The following LCLAT1 variants were observed in gnomAD, a reference collection of about 807,000 sequenced individuals.
The protein encoded by LCLAT1 is lysocardiolipin acyltransferase 1.
LCLAT1 carries 11 observed loss-of-function variants against 30.7 expected under a neutral mutation model. That is an observed-to-expected ratio of 0.36 (90% CI 0.23 to 0.59). The LOEUF (loss-of-function observed/expected upper bound fraction) is 0.59. Ranked by LOEUF, LCLAT1 falls within the 20% of genes least tolerant of loss-of-function variation. LCLAT1 has a pLI of 0.77. For missense variants in LCLAT1, 402 were observed against 458.6 expected (o/e 0.88, Z 1.13); for synonymous variants, 155 against 151.3 (o/e 1.02, Z -0.18).
At chr2:30,505,295 C>T (rs1191551525) in intron 1 of LCLAT1, among the ~76,000 whole-genome samples, 1 of 151,000 alleles carries the variant, frequency 6.6e-6, no homozygotes, top group African/African-American at 2.4e-5. Flanking sequence ...GGCAAGGACA[C>T]CAACAATGAT....
chr2:30,509,343 A>C (rs1199523343), intron 1 of LCLAT1, among the ~76,000 whole-genome samples: 1 of 152,156 alleles, frequency 6.6e-6, no homozygotes, highest in Non-Finnish European at 1.5e-5. Context: ...GTTTTGTGCC[A>C]GTTATCAAGG....
intron 5 of LCLAT1, among the ~76,000 whole-genome samples, chr2:30,603,063 A>C (rs1036558608): frequency 1.3e-5 from 2 of 152,172 alleles, no homozygotes; most frequent in African/African-American, 4.8e-5. Context: ...ATAAAGCTTT[A>C]CCTAACATTC....
At chr2:30,584,378 C>G (rs527265634) in intron 5 of LCLAT1, among the ~76,000 whole-genome samples, 1 of 152,278 alleles carries the variant, frequency 6.6e-6, no homozygotes, top group East Asian at 1.9e-4. Context: ...CTTAACTGTT[C>G]TGGCTGGCTG....
intron 1 of LCLAT1, among the ~76,000 whole-genome samples, chr2:30,521,794 C>T (rs546408487): frequency 1.2e-4 from 18 of 151,818 alleles, no homozygotes; most frequent in South Asian, 2.1e-4. Flanking sequence ...CATGAGCCAC[C>T]GCTGGACCAA....
intron 3 of LCLAT1, among the ~76,000 whole-genome samples, chr2:30,557,224 C>T (rs1239057985): frequency 6.6e-6 from 1 of 151,330 alleles, no homozygotes; most frequent in Non-Finnish European, 1.5e-5. Flanking sequence ...AAGTAATTCC[C>T]TATGTATAGA....
rs115520630 is a variant in LCLAT1, at chr2:30,456,803, C to T, written c.-5+9420C>T. Among the ~76,000 whole-genome samples the T allele has an allele frequency of 6.9e-3, 1,057 of 152,196 alleles. 11 individuals carry two copies. The highest frequency in any genetic ancestry group is 0.024 in the African/African-American group (1,001 of 41,498). ...TGTATCTTCAGAGTCCAGAGTCTTC[C>T]CATATTTGTTTACCTATAATGGCCA... On this transcript the variant is annotated intron_variant, in intron 1 of 5. Transcript: ENST00000379509.
At chr2:30,606,095 C>T (rs559228224) in intron 5 of LCLAT1, 10 of 1,156,822 alleles carry the variant, frequency 8.6e-6, no homozygotes, top group African/African-American at 6.5e-5. Context: ...AGAGAGGACA[C>T]AAACAAATGG....
At chr2:30,521,093 A>G (rs1264004275) in intron 1 of LCLAT1, among the ~76,000 whole-genome samples, 3 of 152,212 alleles carry the variant, frequency 2.0e-5, no homozygotes, top group Admixed American at 6.5e-5. Flanking sequence ...ACCAAAACCA[A>G]GATGGCGACA....
At position 30,455,838 on chromosome 2, in the gene LCLAT1, A is replaced by G. The variant is rs141884405; in HGVS notation, c.-5+8455A>G. Among the ~76,000 whole-genome samples the G allele has an allele frequency of 6.7e-3, 883 of 131,066 alleles. 10 individuals are homozygous for G. The highest frequency in any genetic ancestry group is 0.024 in the African/African-American group (840 of 34,950). 86.0% of individuals were successfully genotyped at this position (131,066 alleles called of 152,430 possible). ...GGCAGGAGGATCACTTGAGCCTGGGAGGTTGAGGCTGCAGTGAGCTGTGAT... is the reference window on the plus strand; with the variant it reads ...GGCAGGAGGATCACTTGAGCCTGGGGGGTTGAGGCTGCAGTGAGCTGTGAT... On this transcript the variant is annotated intron_variant, in intron 1 of 5. Coordinates refer to ENST00000379509, the MANE Select transcript of LCLAT1 (RefSeq NM_001002257.3).
At chr2:30,522,657 TCAA>T (rs1685533088) in intron 1 of LCLAT1, among the ~76,000 whole-genome samples, 1 of 152,112 alleles carries the variant, frequency 6.6e-6, no homozygotes, top group African/African-American at 2.4e-5. Context: ...TCATTGAAAA[TCAA>T]CAAATGATTG....
At position 30,468,522 on chromosome 2, in the gene LCLAT1, GTT is replaced by G. The variant is rs34503678; in HGVS notation, c.-5+21148_-5+21149del. ...AAAAATAGCCATTTGATATATATCT[GTT>G]TTTTTTTTAATTGAGGTGAAATTTA... is the stretch of plus-strand genomic sequence containing the variant. On this transcript the variant is annotated intron_variant, in intron 1 of 5. Coordinates refer to ENST00000379509, the MANE Select transcript of LCLAT1 (RefSeq NM_001002257.3). 4.0e-5 allele frequency among the ~76,000 whole-genome samples: 6 copies of G among 150,464 alleles called. No individual in the cohort carries two copies. The South Asian group carries it at 8.4e-4, about 21-fold the overall frequency.
At chr2:30,542,054 T>C (rs1664168032) in intron 3 of LCLAT1, among the ~76,000 whole-genome samples, 1 of 152,186 alleles carries the variant, frequency 6.6e-6, no homozygotes, top group African/African-American at 2.4e-5. Flanking sequence ...TTTTCTCCTT[T>C]ATTTATGGGT....
chr2:30,507,827 G>C (rs1286498068), intron 1 of LCLAT1, among the ~76,000 whole-genome samples: 1 of 152,054 alleles, frequency 6.6e-6, no homozygotes, highest in Admixed American at 6.6e-5. Flanking sequence ...TATATATCCA[G>C]TAAGGGGTCT....
At chr2:30,620,208 C>G (rs1384615062) in intron 5 of LCLAT1, among the ~76,000 whole-genome samples, 2 of 152,228 alleles carry the variant, frequency 1.3e-5, no homozygotes, top group African/African-American at 4.8e-5. Context: ...TAGAACTATC[C>G]CCATAACCCA....
At chr2:30,471,483 C>T (rs887123705) in intron 1 of LCLAT1, among the ~76,000 whole-genome samples, 18 of 152,102 alleles carry the variant, frequency 1.2e-4, no homozygotes, top group African/African-American at 3.4e-4. Context: ...GTGCTGGGAT[C>T]ACAGGCGTGA....
intron 5 of LCLAT1, among the ~76,000 whole-genome samples, chr2:30,633,598 T>C (rs1668871370): frequency 6.6e-6 from 1 of 152,138 alleles, no homozygotes; most frequent in Non-Finnish European, 1.5e-5. Flanking sequence ...GGCAGGAGAA[T>C]TGCTTGAACC....
rs567444919 is a variant in LCLAT1 at position 30,536,733 on chromosome 2, C to G, written c.364+3419C>G. Among the ~76,000 whole-genome samples the G allele has an allele frequency of 1.2e-4, 19 of 152,178 alleles. No homozygotes were observed. The East Asian group carries it at 2.5e-3, about 20-fold the overall frequency. On this transcript the variant is annotated intron_variant, in intron 3 of 5. Coordinates refer to ENST00000379509, the MANE Select transcript of LCLAT1 (RefSeq NM_001002257.3). ...ATATATAGATGAAAAAGAGAAGGGA[C>G]TCAAACGTTAACACTACAGAAAAGT...
At chr2:30,456,848 G>A (rs1038767494) in intron 1 of LCLAT1, among the ~76,000 whole-genome samples, 3 of 152,114 alleles carry the variant, frequency 2.0e-5, no homozygotes, top group East Asian at 1.9e-4. Context: ...GTTGTACTTA[G>A]CTAGAGCAGT....
At chr2:30,472,581 G>A (rs1229809852) in intron 1 of LCLAT1, among the ~76,000 whole-genome samples, 4 of 152,170 alleles carry the variant, frequency 2.6e-5, no homozygotes, top group South Asian at 2.1e-4. Flanking sequence ...GTGTCAGAAT[G>A]CACATTATTC....
Sources: gnomAD v4.1 joint callset for allele counts (sites outside exome capture counted in the v4.1 genomes callset) on GRCh38, gnomAD v4.1.1 for gene constraint, MANE v1.5 for transcripts, NCBI Gene and HGNC (gene_info 2026-07-23, HGNC 2026-07-21) for gene names.